Variants in ELL observed in about 807,000 individuals in gnomAD.
ELL encodes elongation factor for RNA polymerase II.
Under a neutral mutation model 64.0 loss-of-function variants are expected in ELL, and 18 were observed. The ratio of observed to expected loss-of-function variants is 0.28; its 90% confidence interval spans 0.19 to 0.42. The LOEUF is 0.42. Ranked by LOEUF, ELL falls within the 10% of genes least tolerant of loss-of-function variation. The pLI is 1.00. For synonymous variants in ELL, 399 were observed against 376.2 expected, an observed-to-expected ratio of 1.06 and a Z score of -0.70; for missense variants, 797 against 870.4, an observed-to-expected ratio of 0.92 and a Z score of 1.06.
At chr19:18,445,299 G>T (rs2144883302) in intron 10 of ELL, 31 bp from the exon 11 acceptor site, 8 of 1,587,768 alleles carry the variant, frequency 5.0e-6, no homozygotes, top group Non-Finnish European at 6.9e-6. Context: ...TGAGAAAACA[G>T]AATGTGTCCC....
intron 1 of ELL, among the ~76,000 whole-genome samples, chr19:18,507,558 C>T (rs1402736886): frequency 1.3e-5 from 2 of 152,222 alleles, no homozygotes; most frequent in Admixed American, 6.5e-5. Context: ...CCCATGTCCA[C>T]CACCACTGCA....
chr19:18,492,156 G>C (rs914507874), intron 1 of ELL, among the ~76,000 whole-genome samples: 1 of 152,050 alleles, frequency 6.6e-6, no homozygotes, highest in East Asian at 1.9e-4. Context: ...GACACTAGGA[G>C]AGGATCCAGG....
Position 18,472,883 on chromosome 19 carries a change from C to CAA in ELL, c.136-2_136-1insTT. On this transcript the variant is annotated splice_acceptor_variant, in intron 1 of 11. Transcript: ENST00000262809. LOFTEE classifies it high-confidence loss of function. Reference sequence around the variant, plus strand: ...TAGATGGCCTCAGTGAAACAGAATCCTATAAAAAAAAAAAAAAAAAAAAAA... The same window carrying CAA: ...TAGATGGCCTCAGTGAAACAGAATCCAATATAAAAAAAAAAAAAAAAAAAAAA... 8.4e-7 allele frequency: 1 copy of CAA among 1,184,458 alleles called. No homozygotes were observed. The allele number at this position is 1,184,458 out of a possible 1,614,324, so 73.4% of individuals were successfully genotyped here.
intron 1 of ELL, among the ~76,000 whole-genome samples, chr19:18,505,714 G>A (rs1469413): frequency 0.32 from 48,466 of 152,006 alleles, 9,678 homozygotes; most frequent in African/African-American, 0.57. Context: ...GAGGAGTGGG[G>A]GCCACGGGAT....
chr19:18,462,334 G>GGT (rs765676443), intron 4 of ELL, among the ~76,000 whole-genome samples: 4,279 of 90,360 alleles, frequency 0.047, 204 homozygotes, highest in African/African-American at 0.073. Flanking sequence ...ACTCTAGTGG[G>GGT]CTGTGTGTGT....
intron 1 of ELL, among the ~76,000 whole-genome samples, chr19:18,499,763 G>T (rs1204442534): frequency 1.3e-5 from 2 of 152,146 alleles, no homozygotes; most frequent in African/African-American, 4.8e-5. Context: ...GGGGACAAGG[G>T]CTGGGAGAAA....
At chr19:18,463,489 C>A (rs917165324) in intron 4 of ELL, among the ~76,000 whole-genome samples, 2 of 151,968 alleles carry the variant, frequency 1.3e-5, no homozygotes, top group Non-Finnish European at 2.9e-5. Flanking sequence ...CGCACGCCAC[C>A]ACAACTGGCT....
chr19:18,467,801 C>A (rs1974976625), intron 2 of ELL, among the ~76,000 whole-genome samples: 1 of 88,294 alleles, frequency 1.1e-5, no homozygotes, highest in African/African-American at 5.0e-5. Flanking sequence ...ACCACACAAT[C>A]CCCCCACACA....
intron 1 of ELL, among the ~76,000 whole-genome samples, chr19:18,497,289 G>A (rs1568394812): frequency 6.6e-6 from 1 of 152,242 alleles, no homozygotes; most frequent in Non-Finnish European, 1.5e-5. Context: ...ACACTGCACA[G>A]TTCCAACTAC....
chr19:18,485,658 G>A (rs1263375044), intron 1 of ELL, among the ~76,000 whole-genome samples: 5 of 152,142 alleles, frequency 3.3e-5, no homozygotes, highest in African/African-American at 1.2e-4. Context: ...GGTATCCCTT[G>A]CCCAAATTCG....
rs1267905464 is a variant in ELL at position 18,451,635 on chromosome 19, G to C, written c.883C>G (p.Pro295Ala). Residue 295 changes from proline (P) to alanine (A), a missense_variant, in exon 7 of 12, where the codon CCA (proline) becomes GCA (alanine). By Grantham distance (27) the Pro-to-Ala change is conservative. Transcript: ENST00000262809. ...CCAAGGAGGCTGCCAGTGCTCTGTG[G>C]CTGGCACAGCTTCCTGCGAAGGAGA... ...KRVLVRKLCQPQSTGSLLGDP... is the reference protein window; with the variant it reads ...KRVLVRKLCQAQSTGSLLGDP... 1 of 1,502,092 alleles carries C rather than the reference G, an allele frequency of 6.7e-7. No individual in the cohort carries two copies. Among genetic ancestry groups the C allele is most frequent in the Admixed American group, 2.4e-5 (1 of 41,850 alleles). The allele number at this position is 1,502,092 out of a possible 1,614,324, so 93.0% of individuals were successfully genotyped here.
At chr19:18,470,799 C>G (rs1975048710) in intron 2 of ELL, among the ~76,000 whole-genome samples, 2 of 152,196 alleles carry the variant, frequency 1.3e-5, no homozygotes, top group Non-Finnish European at 2.9e-5. Flanking sequence ...GAGGAAGAAA[C>G]TCTGCCTGAG....
At chr19:18,495,912 G>C (rs1016800234) in intron 1 of ELL, among the ~76,000 whole-genome samples, 2 of 152,252 alleles carry the variant, frequency 1.3e-5, no homozygotes, top group Admixed American at 1.3e-4. Context: ...TTAGGGTGGA[G>C]GGCTGAGGAG....
chr19:18,500,307 C>G (rs994625639), intron 1 of ELL, among the ~76,000 whole-genome samples: 1 of 151,686 alleles, frequency 6.6e-6, no homozygotes, highest in Non-Finnish European at 1.5e-5. Context: ...CGTTCCTGTT[C>G]CCGCCTTCCT....
Position 18,482,914 on chromosome 19 carries a change from A to C in ELL, c.136-10032T>G, listed in dbSNP as rs542867669. Among the ~76,000 whole-genome samples the C allele has an allele frequency of 5.1e-4, 78 of 151,536 alleles. 1 individual carries two copies. The South Asian group carries it at 0.016, about 32-fold the overall frequency. On this transcript the variant is annotated intron_variant, in intron 1 of 11. Transcript: ENST00000262809. ...CAAGAATCCTCCCACCTTATCCCCA[A>C]GCAGCTGTGCCACCATGCCCAGCTA...
chr19:18,482,817 G>A (rs1027803766), intron 1 of ELL, among the ~76,000 whole-genome samples: 2 of 151,426 alleles, frequency 1.3e-5, no homozygotes, highest in Non-Finnish European at 2.9e-5. Flanking sequence ...TTTGAGACAG[G>A]GCCTCACTCT....
intron 1 of ELL, among the ~76,000 whole-genome samples, chr19:18,506,531 A>T (rs1329598451): frequency 6.6e-6 from 1 of 152,228 alleles, no homozygotes; most frequent in Non-Finnish European, 1.5e-5. Context: ...GTTTGAGACC[A>T]GGCTGAGCAA....
At chr19:18,520,355 G>C (rs952257551) in intron 1 of ELL, among the ~76,000 whole-genome samples, 1 of 152,180 alleles carries the variant, frequency 6.6e-6, no homozygotes, top group Non-Finnish European at 1.5e-5. Context: ...AATTCTACCA[G>C]GAAGAGAGGC....
At chr19:18,509,232 T>C (rs1192221929) in intron 1 of ELL, among the ~76,000 whole-genome samples, 1 of 152,038 alleles carries the variant, frequency 6.6e-6, no homozygotes, top group Non-Finnish European at 1.5e-5. Flanking sequence ...CAGGCATCCT[T>C]ATCACAGTGC....
Sources: gnomAD v4.1 joint callset for allele counts (sites outside exome capture counted in the v4.1 genomes callset) on GRCh38, gnomAD v4.1.1 for gene constraint, MANE v1.5 for transcripts, NCBI Gene and HGNC (gene_info 2026-07-23, HGNC 2026-07-21) for gene names.